The following PPP6R2 variants were observed in gnomAD, a reference collection of about 807,000 sequenced individuals.
PPP6R2 encodes the protein serine/threonine-protein phosphatase 6 regulatory subunit 2.
PPP6R2 carries 62 observed loss-of-function variants against 100.2 expected under a neutral mutation model. The observed-to-expected ratio is 0.62, with a 90% CI of 0.50 to 0.76. The LOEUF is 0.76. Ranked by LOEUF, PPP6R2 falls within the 30% of genes least tolerant of loss-of-function variation. PPP6R2 has a pLI of 0.00. For missense variants in PPP6R2, 1,142 were observed against 1,276.3 expected (o/e 0.89, Z 1.60); for synonymous variants, 525 against 514.7 (o/e 1.02, Z -0.27).
chr22:50,424,741 G>A (rs1018716476), intron 10 of PPP6R2, among the ~76,000 whole-genome samples: 3 of 141,356 alleles, frequency 2.1e-5, no homozygotes, highest in South Asian at 2.4e-4. Context: ...TGGTTCAAGC[G>A]ATTTTCCTGC....
chr22:50,405,298 G>GGAGGGGAGAGGCCTGGAGA (rs2058670842), intron 3 of PPP6R2, among the ~76,000 whole-genome samples: 1 of 90,638 alleles, frequency 1.1e-5, no homozygotes, highest in Non-Finnish European at 2.4e-5. Context: ...AGGCCTGGAG[G>GGAGGGGAGAGGCCTGGAGA]GAGGTGAGAG....
intron 4 of PPP6R2, among the ~76,000 whole-genome samples, chr22:50,414,292 G>T (rs1331233124): frequency 7.5e-6 from 1 of 134,222 alleles, no homozygotes; most frequent in Non-Finnish European, 1.5e-5. Flanking sequence ...GGACAGCTGT[G>T]TCCTGTCGGT....
chr22:50,383,556 CT>C (rs2053566431), intron 2 of PPP6R2, among the ~76,000 whole-genome samples: 1 of 152,104 alleles, frequency 6.6e-6, no homozygotes, highest in Non-Finnish European at 1.5e-5. Flanking sequence ...CCAAGTATGT[CT>C]TGTTCCCTGT....
intron 19 of PPP6R2, 122 bp downstream of exon 19, chr22:50,438,884 C>A (rs1603417850): frequency 9.6e-7 from 1 of 1,043,772 alleles, no homozygotes; most frequent in Non-Finnish European, 1.4e-6. Flanking sequence ...TGGCCCGGAG[C>A]CTGAATCCCC....
chr22:50,431,163 G>C lies in PPP6R2; in HGVS notation c.1126-10G>C. 1 of 1,600,662 alleles carries C rather than the reference G, an allele frequency of 6.2e-7. No homozygotes were observed. Among genetic ancestry groups the C allele is most frequent in the Non-Finnish European group, 8.6e-7 (1 of 1,168,454 alleles). Reference sequence around the variant, plus strand: ...ATCTAAGAACTGTCTTCTGTCCTCTGTTTACCCAGGACTTGTTCTTTAAGT... The same window carrying C: ...ATCTAAGAACTGTCTTCTGTCCTCTCTTTACCCAGGACTTGTTCTTTAAGT... On this transcript the variant is annotated splice_polypyrimidine_tract_variant and intron_variant, in intron 10 of 23. Coordinates refer to ENST00000612753, the MANE Select transcript of PPP6R2 (RefSeq NM_001242898.2). This position sits in a 1 kb window ranked among gnomAD's most constrained non-coding sequence, Gnocchi z 4.8.
At chr22:50,437,183 C>A in intron 15 of PPP6R2, 115 bp downstream of exon 15, 4 of 1,055,356 alleles carry the variant, frequency 3.8e-6, no homozygotes, top group Non-Finnish European at 5.7e-6. Flanking sequence ...GGAGCGGGGG[C>A]TCGTCTCCGA....
At position 50,438,205 on chromosome 22, in the gene PPP6R2, G is replaced by C; in HGVS notation, c.1871G>C (p.Ser624Thr). The part of the protein sequence containing the change: ...PSAALFEACC[S>T]DRIQPFDDDE... ...GCAGCTCTGTTTGAGGCCTGCTGCA[G>C]TGACCGCATCCAGCCCTTTGATGAT... Residue 624 changes from serine (S) to threonine (T), a missense_variant, in exon 18 of 24, where the codon AGT (serine) becomes ACT (threonine). This residue lies in a region of PPP6R2 where 550 missense variants were observed against 517.4 expected (regional missense o/e 1.06). Transcript: ENST00000612753. 1 of 1,613,900 alleles carries C rather than the reference G, an allele frequency of 6.2e-7. No individual in the cohort carries two copies. The highest frequency in any genetic ancestry group is 8.5e-7 in the Non-Finnish European group (1 of 1,179,960).
rs1039804524 is a variant in PPP6R2, at chr22:50,444,366, A to C, written c.*119A>C. 37 of 1,307,456 alleles carry C rather than the reference A, an allele frequency of 2.8e-5. No individual in the cohort carries two copies. Among genetic ancestry groups the C allele is most frequent in the Non-Finnish European group, 3.9e-5 (37 of 954,284 alleles). 81.0% of individuals were successfully genotyped at this position (1,307,456 alleles called of 1,614,324 possible). A position where few individuals can be genotyped will look rare whatever the true frequency, so the allele number is the denominator to read the frequency against. The stretch of plus-strand genomic sequence containing the variant: ...AATTTAATTTTAAAATAAATGCTGC[A>C]TTGGTAAAGCTGGCAGTTGAAACCA... On this transcript the variant is annotated 3_prime_UTR_variant, in exon 24 of 24. Coordinates refer to ENST00000612753, the MANE Select transcript of PPP6R2 (RefSeq NM_001242898.2).
chr22:50,406,222 C>T (rs1164661734), intron 3 of PPP6R2, among the ~76,000 whole-genome samples: 16 of 85,882 alleles, frequency 1.9e-4, no homozygotes, highest in East Asian at 6.9e-4. Flanking sequence ...TGGAGAGAGG[C>T]GAGAGGCCTG....
chr22:50,436,551 A>G (rs2064316328), intron 14 of PPP6R2, 99 bp downstream of exon 14: 1 of 1,208,328 alleles, frequency 8.3e-7, no homozygotes, highest in Non-Finnish European at 1.2e-6. Context: ...AGGGAGGCAC[A>G]AGGGCCGCAC....
intron 10 of PPP6R2, among the ~76,000 whole-genome samples, chr22:50,428,341 T>G (rs2062565808): frequency 6.6e-6 from 1 of 152,238 alleles, no homozygotes; most frequent in Non-Finnish European, 1.5e-5. Flanking sequence ...TGTGTCAATT[T>G]TGTATTCTAG....
Position 50,435,044 on chromosome 22 carries a change from G to A in PPP6R2, c.1479G>A (p.Arg493=), listed in dbSNP as rs377535962. 1.4e-5 allele frequency: 22 copies of A among 1,596,790 alleles called. No homozygotes were observed. Among genetic ancestry groups the A allele is most frequent in the Non-Finnish European group, 1.8e-5 (21 of 1,170,986 alleles). The part of the protein sequence containing the change: ...IANAVVQNLE[R]GPVQTHISEV... ...ACGCGGTGGTGCAGAACCTGGAGCG[G>A]GGCCCTGTGCAGACGCACATCAGCG... is the stretch of plus-strand genomic sequence containing the variant. Residue 493 remains arginine, a synonymous_variant, in exon 13 of 24, where the codon CGG becomes CGA. Transcript: ENST00000612753.
At position 50,424,724 on chromosome 22, in the gene PPP6R2, G is replaced by T. The variant is rs535259710; in HGVS notation, c.1125+1110G>T. ...GGGACCTTGGCTCACTGCAATCTCC[G>T]ACTCCCTGGTTCAAGCGATTTTCCT... On this transcript the variant is annotated intron_variant, in intron 10 of 23. Coordinates refer to ENST00000612753, the MANE Select transcript of PPP6R2 (RefSeq NM_001242898.2). Among the ~76,000 whole-genome samples, 4 of 132,982 alleles carry T rather than the reference G, an allele frequency of 3.0e-5. No individual in the cohort carries two copies. The East Asian group carries it at 1.1e-3, about 36-fold the overall frequency. The allele number at this position is 132,982 out of a possible 152,430, so 87.2% of individuals were successfully genotyped here.
chr22:50,443,927 G>A lies in PPP6R2; in HGVS notation c.2641G>A (p.Ala881Thr), dbSNP rs1396499264. Residue 881 changes from alanine to threonine, a missense_variant, in exon 23 of 24, where the codon GCT becomes ACT. Transcript: ENST00000612753. The part of the protein sequence containing the change: ...PACPAPKEVT[A>T]APAVAVPPEA... ...CTGCCCCGCGCCAAAGGAAGTGACT[G>A]CTGCCCCAGCCGTGGCTGTGCCCCC... is the stretch of plus-strand genomic sequence containing the variant. 1 of 1,603,630 alleles carries A rather than the reference G, an allele frequency of 6.2e-7. No individual in the cohort carries two copies. The highest frequency in any genetic ancestry group is 1.1e-5 in the South Asian group (1 of 89,780).
At chr22:50,421,540 T>G (rs1035159807) in intron 8 of PPP6R2, among the ~76,000 whole-genome samples, 23 of 152,278 alleles carry the variant, frequency 1.5e-4, no homozygotes, top group African/African-American at 5.1e-4. Flanking sequence ...GCATATTACT[T>G]TAAAAAATAT....
chr22:50,353,867 A>T (rs556622340), intron 1 of PPP6R2, among the ~76,000 whole-genome samples: 140 of 137,656 alleles, frequency 1.0e-3, no homozygotes, highest in African/African-American at 3.3e-3. Flanking sequence ...AAATATTTTT[A>T]AAAAATTTTA....
At chr22:50,388,174 G>C (rs2054634167) in intron 2 of PPP6R2, among the ~76,000 whole-genome samples, 1 of 147,852 alleles carries the variant, frequency 6.8e-6, no homozygotes. Flanking sequence ...AATTTTTTTA[G>C]GATTAAAAAA....
In PPP6R2 at chr22:50,374,911, CAAA is replaced by C. The variant is rs60035779; in HGVS notation, c.-17+2779_-17+2781del. On this transcript the variant is annotated intron_variant, in intron 2 of 23. Transcript: ENST00000612753. ...CCTGGGCGAGAGCGAGACTCTGTCT[CAAA>C]AAAAAAAAAAAAAAAAAGAGAAAAA... Among the ~76,000 whole-genome samples, 143 of 80,952 alleles carry C rather than the reference CAAA, an allele frequency of 1.8e-3. 1 individual carries two copies. Among genetic ancestry groups the C allele is most frequent in the South Asian group, 5.3e-3 (13 of 2,436 alleles). The allele number at this position is 80,952 out of a possible 152,430, so 53.1% of individuals were successfully genotyped here.
At chr22:50,354,582 T>A (rs2046043175) in intron 1 of PPP6R2, among the ~76,000 whole-genome samples, 1 of 151,894 alleles carries the variant, frequency 6.6e-6, no homozygotes, top group Admixed American at 6.6e-5. Context: ...TCCCAGCACT[T>A]TGGGAGGCTG....
Sources: allele counts gnomAD v4.1 joint callset (sites outside exome capture counted in the v4.1 genomes callset), GRCh38; gene constraint gnomAD v4.1.1; regional missense constraint gnomAD v4.1.1; non-coding constraint Gnocchi (gnomAD v3.1); transcripts MANE v1.5; gene names NCBI Gene and HGNC (gene_info 2026-07-23, HGNC 2026-07-21).